Variants in TET2 observed in about 807,000 individuals in gnomAD.
TET2 encodes tet methylcytosine dioxygenase 2.
Under a neutral mutation model 142.9 loss-of-function variants are expected in TET2, and 299 were observed. The observed-to-expected ratio is 2.09, with a 90% CI of 1.90 to 2.30. The LOEUF is 2.30. Ranked by LOEUF, TET2 falls within the 30% of genes most tolerant of loss-of-function variation. TET2 has a pLI of 0.00. For synonymous variants in TET2, 819 were observed against 849.0 expected, an observed-to-expected ratio of 0.96 and a Z score of 0.61; for missense variants, 2,418 against 2,378.0, an observed-to-expected ratio of 1.02 and a Z score of -0.35.
chr4:105,147,308 G>A (rs1158264274), intron 1 of TET2: 3 of 152,112 alleles, frequency 2.0e-5, no homozygotes, highest in Non-Finnish European at 2.9e-5. Flanking sequence ...TTTTAAATTT[G>A]CTTTCCTTTC....
chr4:105,255,026 G>C (rs1730052240), intron 6 of TET2, among the ~76,000 whole-genome samples: 1 of 152,192 alleles, frequency 6.6e-6, no homozygotes, highest in South Asian at 2.1e-4. Context: ...CCTTGGTTGT[G>C]AGGGCAGTGA....
intron 2 of TET2, among the ~76,000 whole-genome samples, chr4:105,207,753 T>C (rs1454260910): frequency 6.6e-6 from 1 of 152,196 alleles, no homozygotes; most frequent in African/African-American, 2.4e-5. Flanking sequence ...TTTATCACTC[T>C]TCTGATTTAG....
intron 3 of TET2, chr4:105,239,074 G>GTTTTTTTGTTTTTTTGTTT (rs60653050): frequency 4.9e-6 from 1 of 204,180 alleles, no homozygotes; most frequent in Non-Finnish European, 1.0e-5. Context: ...TTTGTTTTTT[G>GTTTTTTTGTTTTTTTGTTT]TTTTTTTTTT....
intron 1 of TET2, chr4:105,147,825 A>C (rs1023513046): frequency 8.5e-6 from 1 of 117,228 alleles, no homozygotes; most frequent in African/African-American, 3.5e-5. Context: ...ACACAAAGGC[A>C]GGCGCAGGCC....
chr4:105,266,725 G>GA (rs1199162024), intron 8 of TET2, among the ~76,000 whole-genome samples: 1 of 151,598 alleles, frequency 6.6e-6, no homozygotes, highest in Non-Finnish European at 1.5e-5. Flanking sequence ...AGAAAAAACT[G>GA]AAAAAAATGA....
At chr4:105,262,432 C>T (rs1214351557) in intron 8 of TET2, among the ~76,000 whole-genome samples, 2 of 151,780 alleles carry the variant, frequency 1.3e-5, no homozygotes, top group African/African-American at 4.8e-5. Context: ...ATGATTTGGT[C>T]AGAAATCTCT....
At chr4:105,248,338 T>G (rs553034918) in intron 6 of TET2, among the ~76,000 whole-genome samples, 2 of 152,232 alleles carry the variant, frequency 1.3e-5, no homozygotes, top group Non-Finnish European at 2.9e-5. Flanking sequence ...TTAAATTATT[T>G]TGCTATTTTT....
At chr4:105,271,958 G>A (rs939392239) in intron 9 of TET2, among the ~76,000 whole-genome samples, 1 of 152,204 alleles carries the variant, frequency 6.6e-6, no homozygotes, top group Non-Finnish European at 1.5e-5. Flanking sequence ...AGAGACAAGA[G>A]AGTGAAAATA....
chr4:105,272,447 T>G lies in TET2; in HGVS notation c.4183-117T>G, dbSNP rs557634857. On this transcript the variant is annotated intron_variant, in intron 9 of 10. Transcript: ENST00000380013. Reference sequence around the variant, plus strand: ...TATGGTAATATATATGTCACTGATCTGGATCAACTAGGCCACCAACACAAA... The same window carrying G: ...TATGGTAATATATATGTCACTGATCGGGATCAACTAGGCCACCAACACAAA... 25 of 669,960 alleles carry G rather than the reference T, an allele frequency of 3.7e-5. No individual in the cohort carries two copies. The African/African-American group carries it at 4.4e-4, about 12-fold the overall frequency. 41.5% of individuals were successfully genotyped at this position (669,960 alleles called of 1,614,324 possible).
At chr4:105,169,508 A>G (rs570521947) in intron 1 of TET2, among the ~76,000 whole-genome samples, 7 of 151,898 alleles carry the variant, frequency 4.6e-5, no homozygotes, top group Non-Finnish European at 8.8e-5. Flanking sequence ...GATTGTGAAG[A>G]TTTTCTCCCA....
rs1728873315 is a variant in TET2 at position 105,236,099 on chromosome 4, G to T, written c.2157G>T (p.Leu719Phe). The T allele has an allele frequency of 6.2e-7, 1 of 1,614,112 alleles. No homozygotes were observed. The highest frequency in any genetic ancestry group is 8.5e-7 in the Non-Finnish European group (1 of 1,180,030). ...ETEPFSNSHL[L>F]QHKPHKQAAQ... ...AGCCATTTTCAAACTCACACCTTTT[G>T]CAACATAAGCCTCATAAACAGGCAG... is the stretch of plus-strand genomic sequence containing the variant. The change falls in exon 3 of 11, where the codon TTG (leucine) becomes TTT (phenylalanine). Residue 719 changes from leucine to phenylalanine, a missense_variant. Transcript: ENST00000380013.
At chr4:105,203,064 T>C (rs191557094) in intron 2 of TET2, among the ~76,000 whole-genome samples, 1 of 152,384 alleles carries the variant, frequency 6.6e-6, no homozygotes, top group African/African-American at 2.4e-5. Flanking sequence ...TTCCTAACAC[T>C]GTGCTTGGCA....
At chr4:105,247,714 C>CTTTTTTTTTTTT (rs1206510081) in intron 6 of TET2, among the ~76,000 whole-genome samples, 105 of 65,328 alleles carry the variant, frequency 1.6e-3, no homozygotes, top group Admixed American at 2.1e-3. Context: ...TTTTTCTTTT[C>CTTTTTTTTTTTT]TTTTTTTTTT....
chr4:105,157,456 A>G (rs1292180611), intron 1 of TET2, among the ~76,000 whole-genome samples: 2 of 152,188 alleles, frequency 1.3e-5, no homozygotes, highest in Non-Finnish European at 2.9e-5. Context: ...GTGAAGTTAT[A>G]TTATCTACAT....
At position 105,234,594 on chromosome 4, in the gene TET2, G is replaced by A. The variant is rs6843141; in HGVS notation, c.652G>A (p.Val218Met). The change falls in exon 3 of 11, where the codon GTG becomes ATG. Residue 218 changes from valine to methionine, a missense_variant. Transcript: ENST00000380013. The stretch of plus-strand genomic sequence containing the variant: ...TGGTGCTACAGTTTCTGCCTCTTCC[G>A]TGGAACACACACATGGTGAACTCCT... ...PNGATVSASS[V>M]EHTHGELLEK... 62,955 of 1,613,946 alleles carry A rather than the reference G, an allele frequency of 0.039. 4,268 individuals carry two copies. The highest frequency in any genetic ancestry group is 0.3 in the African/African-American group (22,267 of 74,972).
chr4:105,178,921 C>G (rs1295594719), intron 1 of TET2, among the ~76,000 whole-genome samples: 1 of 152,188 alleles, frequency 6.6e-6, no homozygotes, highest in Non-Finnish European at 1.5e-5. Context: ...TTAATTGACT[C>G]ACAGTTTAGC....
chr4:105,235,889 A>G lies in TET2; in HGVS notation c.1947A>G (p.Gln649=). ...NQGQSQGTVD[Q]HLQFQKPSHQ... Reference sequence around the variant, plus strand: ...GGCAGTCCCAAGGTACAGTGGACCAACATCTCCAGTTCCAAAAACCCTCAC... The same window carrying G: ...GGCAGTCCCAAGGTACAGTGGACCAGCATCTCCAGTTCCAAAAACCCTCAC... The change falls in exon 3 of 11, where the codon CAA becomes CAG. Residue 649 remains glutamine, a synonymous_variant. Coordinates refer to ENST00000380013, the MANE Select transcript of TET2 (RefSeq NM_001127208.3). 6.2e-7 allele frequency: 1 copy of G among 1,614,088 alleles called. No homozygotes were observed.
intron 2 of TET2, among the ~76,000 whole-genome samples, chr4:105,220,742 G>A (rs977805253): frequency 9.2e-5 from 14 of 152,122 alleles, no homozygotes; most frequent in South Asian, 2.1e-4. Context: ...TATATGGAGC[G>A]TTCTTTAGAG....
chr4:105,184,011 A>G (rs1725275423), intron 1 of TET2, among the ~76,000 whole-genome samples: 1 of 152,142 alleles, frequency 6.6e-6, no homozygotes, highest in African/African-American at 2.4e-5. Context: ...CCATACCCTT[A>G]AGAGGCTTTT....
Sources: allele counts gnomAD v4.1 joint callset (sites outside exome capture counted in the v4.1 genomes callset), GRCh38; gene constraint gnomAD v4.1.1; transcripts MANE v1.5; gene names NCBI Gene and HGNC (gene_info 2026-07-23, HGNC 2026-07-21).